The following BRSK2 variants were observed in gnomAD, a reference collection of about 807,000 sequenced individuals.
The protein encoded by BRSK2 is serine/threonine-protein kinase BRSK2.
In BRSK2, 19 loss-of-function variants were observed where a neutral mutation model predicts 83.3. That is an observed-to-expected ratio of 0.23 (90% CI 0.16 to 0.33). The LOEUF (loss-of-function observed/expected upper bound fraction) is 0.33. Among genes scored for constraint, BRSK2 ranks in the 10% least tolerant of loss-of-function variants. The pLI is 1.00. For synonymous variants in BRSK2, 519 were observed against 435.4 expected, an observed-to-expected ratio of 1.19 and a Z score of -2.39; for missense variants, 798 against 1,042.3, an observed-to-expected ratio of 0.77 and a Z score of 3.23.
At chr11:1,420,983 T>C (rs2134192779) in intron 1 of BRSK2, among the ~76,000 whole-genome samples, 1 of 152,268 alleles carries the variant, frequency 6.6e-6, no homozygotes, top group South Asian at 2.1e-4. Flanking sequence ...GGAGCCTGAC[T>C]GGGGCCTCCC....
intron 12 of BRSK2, among the ~76,000 whole-genome samples, chr11:1,449,457 C>T (rs1845534982): frequency 1.3e-5 from 2 of 152,310 alleles, no homozygotes; most frequent in South Asian, 2.1e-4. Flanking sequence ...CCCGTCTGTC[C>T]CCTCGTCCTT....
rs1050248187 is a variant in BRSK2, at chr11:1,443,385, C to T, written c.615C>T (p.Ile205=). The change falls in exon 7 of 20, where the codon ATC becomes ATT. Residue 205 remains isoleucine, a synonymous_variant. Coordinates refer to ENST00000528841, the MANE Select transcript of BRSK2 (RefSeq NM_001256627.2). ...CGGACGTGTGGAGCTGCGGCGTCAT[C>T]CTGTTCGCCTTGCTGGTGGTGAGAC... is the stretch of plus-strand genomic sequence containing the variant. The part of the protein sequence containing the change: ...RKADVWSCGV[I]LFALLVGALP... 6.2e-7 allele frequency: 1 copy of T among 1,606,394 alleles called. No homozygotes were observed. The highest frequency in any genetic ancestry group is 1.3e-5 in the African/African-American group (1 of 74,778).
chr11:1,421,810 A>G (rs1848655446), intron 1 of BRSK2, among the ~76,000 whole-genome samples: 1 of 152,168 alleles, frequency 6.6e-6, no homozygotes, highest in Admixed American at 6.5e-5. Flanking sequence ...TGAAGGAACA[A>G]GGCTTCAATG....
At chr11:1,459,092 G>A (rs1449238229) in intron 18 of BRSK2, 100 bp from the exon 19 acceptor site, 7 of 1,069,106 alleles carry the variant, frequency 6.5e-6, no homozygotes, top group Non-Finnish European at 9.2e-6. Context: ...ACCCACTCCT[G>A]GCTCCACCCC....
Position 1,438,754 on chromosome 11 carries a change from G to A in BRSK2, c.272+363G>A, listed in dbSNP as rs1335291816. 1.3e-5 allele frequency among the ~76,000 whole-genome samples: 2 copies of A among 152,072 alleles called. No homozygotes were observed. Among genetic ancestry groups the A allele is most frequent in the Admixed American group, 6.5e-5 (1 of 15,280 alleles). On this transcript the variant is annotated intron_variant, in intron 3 of 19. Transcript: ENST00000528841. This position sits in a 1 kb window ranked among gnomAD's most constrained non-coding sequence, Gnocchi z 6.4. The stretch of plus-strand genomic sequence containing the variant: ...GAGCCTCCTGGCCTCTGCCCAGGAC[G>A]TCCCCAGCCCTGGGCAGTGAGCCAT...
chr11:1,443,461 G>A (rs1851624524), intron 7 of BRSK2, 28 bp from the exon 8 acceptor site: 4 of 1,567,702 alleles, frequency 2.6e-6, no homozygotes, highest in Admixed American at 3.7e-5. Context: ...GCCCCCCCAC[G>A]CTGACCCCCA....
At chr11:1,434,029 G>A (rs976332100) in intron 1 of BRSK2, among the ~76,000 whole-genome samples, 17 of 152,260 alleles carry the variant, frequency 1.1e-4, no homozygotes, top group African/African-American at 4.1e-4. Flanking sequence ...CCGGGGGAAT[G>A]GAGGTTTGAC....
chr11:1,392,228 C>G (rs1427519069), intron 1 of BRSK2, among the ~76,000 whole-genome samples: 1 of 152,164 alleles, frequency 6.6e-6, no homozygotes, highest in Non-Finnish European at 1.5e-5. Context: ...TGCCAGGTCC[C>G]AAGCTCAAGA....
Position 1,454,416 on chromosome 11 carries a change from T to C in BRSK2, c.1545-69T>C. 6.3e-7 allele frequency: 1 copy of C among 1,576,350 alleles called. No individual in the cohort carries two copies. Among genetic ancestry groups the C allele is most frequent in the Admixed American group, 1.7e-5 (1 of 58,354 alleles). On this transcript the variant is annotated intron_variant, in intron 15 of 19. Transcript: ENST00000528841. The surrounding 1 kb of genome is among the most constrained non-coding windows in gnomAD (Gnocchi z 5.2). ...AAGATTCCGCCGTTCCAACCCCAGA[T>C]TCGAGGGAGGCAGGGGTGTGGACGG... is the stretch of plus-strand genomic sequence containing the variant.
intron 1 of BRSK2, among the ~76,000 whole-genome samples, chr11:1,403,015 C>T (rs891543946): frequency 1.7e-4 from 26 of 152,108 alleles, no homozygotes; most frequent in African/African-American, 5.8e-4. Context: ...TTGCAGATGG[C>T]GTGGGTGGGA....
intron 18 of BRSK2, among the ~76,000 whole-genome samples, 154 bp from the exon 19 acceptor site, chr11:1,459,038 G>T (rs1590723238): frequency 6.6e-6 from 1 of 151,648 alleles, no homozygotes; most frequent in South Asian, 2.1e-4. Context: ...GCCCCCTCTG[G>T]CTCTGGCCCC....
intron 1 of BRSK2, among the ~76,000 whole-genome samples, chr11:1,416,593 T>C (rs1372154627): frequency 1.3e-5 from 2 of 152,176 alleles, no homozygotes; most frequent in African/African-American, 2.4e-5. Flanking sequence ...TTGCTGAATG[T>C]AGAATTCTGG....
intron 1 of BRSK2, among the ~76,000 whole-genome samples, chr11:1,395,287 C>T (rs147771602): frequency 5.0e-4 from 76 of 152,254 alleles, no homozygotes; most frequent in East Asian, 4.1e-3. Context: ...GCACAGAGCC[C>T]GGGGAGCCAG....
At chr11:1,409,626 G>A (rs77672898) in intron 1 of BRSK2, 7,530 of 152,206 alleles carry the variant, frequency 0.049, 275 homozygotes, top group Non-Finnish European at 0.082. Context: ...CAGAGCCACT[G>A]CTGAGGTGGG....
intron 1 of BRSK2, chr11:1,410,551 C>T (rs1022649642): frequency 7.1e-6 from 7 of 985,354 alleles, no homozygotes; most frequent in South Asian, 4.7e-5. Context: ...CACGAGACGC[C>T]GCTTTTGATG....
Position 1,456,639 on chromosome 11 carries a change from G to T in BRSK2, c.1891G>T (p.Ala631Ser). The change falls in exon 18 of 20, where the codon GCC becomes TCC. Residue 631 changes from alanine to serine, a missense_variant. Around this residue, in one of 6 missense-constraint regions of BRSK2, gnomAD observed 455 missense variants for 455.2 expected, o/e 1.00. Coordinates refer to ENST00000528841, the MANE Select transcript of BRSK2 (RefSeq NM_001256627.2). ...CAAGAGGGTGGTGGAGACCATCCAG[G>T]CCCAGCTGCTGAGCACACACGACCC... ...RFKRVVETIQ[A>S]QLLSTHDPPA... is the part of the protein sequence containing the mutation. The T allele has an allele frequency of 1.2e-6, 2 of 1,610,910 alleles. No individual in the cohort carries two copies. Among genetic ancestry groups the T allele is most frequent in the Non-Finnish European group, 1.7e-6 (2 of 1,179,306 alleles).
Position 1,452,209 on chromosome 11 carries a change from C to T in BRSK2, c.1544+790C>T, listed in dbSNP as rs1194759786. 2.0e-5 allele frequency among the ~76,000 whole-genome samples: 3 copies of T among 152,164 alleles called. No individual in the cohort carries two copies. In the East Asian group the frequency reaches 5.8e-4, roughly 29 times the overall value. The stretch of plus-strand genomic sequence containing the variant: ...CTTCGTCCTGCTGCTGGCTTTAAAC[C>T]AGGGGCCCCTGTGGAAACTGCTCAG... On this transcript the variant is annotated intron_variant, in intron 15 of 19. Coordinates refer to ENST00000528841, the MANE Select transcript of BRSK2 (RefSeq NM_001256627.2).
rs780284612 is a variant in BRSK2, at chr11:1,444,959, C to T, written c.781-12C>T. 3.1e-6 allele frequency: 5 copies of T among 1,612,250 alleles called. No homozygotes were observed. The highest frequency in any genetic ancestry group is 1.7e-6 in the Non-Finnish European group (2 of 1,178,588). The stretch of plus-strand genomic sequence containing the variant: ...TCGTCCGTACTAACTCCCTGTTTCT[C>T]TTTCCTTGTAGCTAGAGCACATTCA... On this transcript the variant is annotated splice_polypyrimidine_tract_variant and intron_variant, in intron 8 of 19. Transcript: ENST00000528841.
In BRSK2 at chr11:1,445,742, T is replaced by G; in HGVS notation, c.1076-15T>G. On this transcript the variant is annotated splice_polypyrimidine_tract_variant and intron_variant, in intron 11 of 19. Transcript: ENST00000528841. ...GGTCCGGGGGCTGTCTGGCCTGACC[T>G]TCGTCTGTACTCAGACCCTCCCCGG... is the stretch of plus-strand genomic sequence containing the variant. 6.2e-7 allele frequency: 1 copy of G among 1,611,030 alleles called. No individual in the cohort carries two copies. The highest frequency in any genetic ancestry group is 8.5e-7 in the Non-Finnish European group (1 of 1,178,628).
Sources: allele counts gnomAD v4.1 joint callset (sites outside exome capture counted in the v4.1 genomes callset), GRCh38; gene constraint gnomAD v4.1.1; regional missense constraint gnomAD v4.1.1; non-coding constraint Gnocchi (gnomAD v3.1); transcripts MANE v1.5; gene names NCBI Gene and HGNC (gene_info 2026-07-23, HGNC 2026-07-21).